The following IFIH1 variants were observed in gnomAD, a reference collection of about 807,000 sequenced individuals.
IFIH1 encodes interferon-induced helicase C domain-containing protein 1.
Under a neutral mutation model 107.4 loss-of-function variants are expected in IFIH1, and 125 were observed. The observed-to-expected ratio is 1.16, with a 90% confidence interval of 1.01 to 1.35. The LOEUF (loss-of-function observed/expected upper bound fraction) is 1.35. IFIH1 is among the 40% of genes most tolerant of loss of function. The pLI, the probability that IFIH1 is intolerant of heterozygous loss-of-function variation, is 0.00. For synonymous variants in IFIH1, 458 were observed against 413.2 expected (o/e 1.11, Z -1.31); for missense variants, 1,333 against 1,213.7 (o/e 1.10, Z -1.46).
intron 3 of IFIH1, among the ~76,000 whole-genome samples, chr2:162,298,454 A>G (rs1683133956): frequency 6.6e-6 from 1 of 152,186 alleles, no homozygotes. Flanking sequence ...CAAGGTCTTT[A>G]GTCCAATTTC....
chr2:162,275,491 A>C (rs1691133858), intron 11 of IFIH1, among the ~76,000 whole-genome samples: 1 of 152,204 alleles, frequency 6.6e-6, no homozygotes, highest in Admixed American at 6.5e-5. Flanking sequence ...CATCAAAAAG[A>C]AGGAAGCAAA....
chr2:162,307,190 A>G, intron 2 of IFIH1: 1 of 184,960 alleles, frequency 5.4e-6, no homozygotes, highest in South Asian at 1.2e-4. Context: ...GGACACAACG[A>G]GTAGTTCTTT....
At chr2:162,295,843 T>C (rs2105216517) in intron 3 of IFIH1, among the ~76,000 whole-genome samples, 1 of 151,952 alleles carries the variant, frequency 6.6e-6, no homozygotes, top group East Asian at 1.9e-4. Flanking sequence ...AAAGAGAATA[T>C]GATTTGTAAG....
In IFIH1 at chr2:162,318,331, G is replaced by T. The variant is rs774951503; in HGVS notation, c.-24C>A. On this transcript the variant is annotated 5_prime_UTR_variant, in exon 1 of 16. Coordinates refer to ENST00000649979, the MANE Select transcript of IFIH1 (RefSeq NM_022168.4). ...ATCTTTCTTTCTCAGAGAAGGGAGA[G>T]GGTTCTCCCAAGCAGATGGTGCTGT... 11 of 1,579,382 alleles carry T rather than the reference G, an allele frequency of 7.0e-6. No homozygotes were observed. Among genetic ancestry groups the T allele is most frequent in the Non-Finnish European group, 8.7e-6 (10 of 1,152,342 alleles).
intron 5 of IFIH1, among the ~76,000 whole-genome samples, chr2:162,284,375 A>G (rs1033497542): frequency 6.6e-6 from 1 of 151,978 alleles, no homozygotes; most frequent in African/African-American, 2.4e-5. Context: ...CAAGGTCTCA[A>G]TCATCTTAAT....
intron 5 of IFIH1, among the ~76,000 whole-genome samples, 193 bp downstream of exon 5, chr2:162,287,942 T>A (rs1165119879): frequency 1.3e-5 from 2 of 151,870 alleles, no homozygotes; most frequent in Non-Finnish European, 2.9e-5. Context: ...TATTGAAAAA[T>A]TTCTATTTTC....
At chr2:162,289,975 TA>T (rs1479682189) in intron 4 of IFIH1, among the ~76,000 whole-genome samples, 6 of 151,924 alleles carry the variant, frequency 3.9e-5, no homozygotes, top group African/African-American at 1.2e-4. Flanking sequence ...GTAGCTTTCA[TA>T]GACTATCAAA....
rs756003596 is a variant in IFIH1, at chr2:162,282,522, A to G, written c.1150T>C (p.Trp384Arg). Residue 384 changes from tryptophan (W) to arginine (R), a missense_variant, in exon 6 of 16, where the codon TGG (tryptophan) becomes CGG (arginine). By Grantham distance (101) the Trp-to-Arg change is moderately radical. Transcript: ENST00000649979. Reference protein sequence around the residue: ...RKEFQPFLKKWYRVIGLSGDT... With the variant: ...RKEFQPFLKKRYRVIGLSGDT... ...CCACTTAATCCAATAACACGATACC[A>G]TTTCTTCAAAAATGGTTGGAACTCC... The G allele has an allele frequency of 1.4e-5, 23 of 1,611,586 alleles. No individual in the cohort carries two copies. The highest frequency in any genetic ancestry group is 8.0e-5 in the African/African-American group (6 of 74,756).
In IFIH1 at chr2:162,277,305, G is replaced by A. The variant is rs544041418; in HGVS notation, c.2044+110C>T. ...TTAGAAATAGTTCCAATCTGAGTGG[G>A]ATTTCTTCTTTCAAAAGATATTTCT... On this transcript the variant is annotated intron_variant, in intron 10 of 15. Coordinates refer to ENST00000649979, the MANE Select transcript of IFIH1 (RefSeq NM_022168.4). 5.2e-6 allele frequency: 4 copies of A among 772,596 alleles called. No homozygotes were observed. The South Asian group carries it at 7.5e-5, about 14-fold the overall frequency. The allele number at this position is 772,596 out of a possible 1,614,324, so 47.9% of individuals were successfully genotyped here. A position where few individuals can be genotyped will look rare whatever the true frequency, so the allele number is the denominator to read the frequency against.
intron 10 of IFIH1, 55 bp downstream of exon 10, chr2:162,277,360 G>T: frequency 8.0e-7 from 1 of 1,246,306 alleles, no homozygotes; most frequent in South Asian, 1.4e-5. Flanking sequence ...GAAGCAGTAA[G>T]TTCATGTTGA....
chr2:162,312,135 T>A (rs1379800815), intron 1 of IFIH1, among the ~76,000 whole-genome samples: 2 of 152,242 alleles, frequency 1.3e-5, no homozygotes, highest in African/African-American at 4.8e-5. Flanking sequence ...TTTCTAGTTC[T>A]ATAAATATAT....
rs185928139 is a variant in IFIH1, at chr2:162,276,876, T to G, written c.2115A>C (p.Arg705Ser). Residue 705 changes from arginine to serine, a missense_variant, in exon 11 of 16, where the codon AGA becomes AGC. Arg to Ser is a moderately radical substitution (Grantham distance 110, BLOSUM62 -1). Coordinates refer to ENST00000649979, the MANE Select transcript of IFIH1 (RefSeq NM_022168.4). Reference protein sequence around the residue: ...EYENEKLTKLRNTIMEQYTRT... With the variant: ...EYENEKLTKLSNTIMEQYTRT... The stretch of plus-strand genomic sequence containing the variant: ...TAGTATATTGCTCCATTATGGTATT[T>G]CTTAATTTGGTCAGCTTTTCATTTT... The G allele has an allele frequency of 1.3e-4, 211 of 1,613,392 alleles. No individual in the cohort carries two copies. The East Asian group carries it at 4.6e-3, about 35-fold the overall frequency.
intron 3 of IFIH1, among the ~76,000 whole-genome samples, chr2:162,295,590 T>C (rs2105216314): frequency 6.6e-6 from 1 of 152,150 alleles, no homozygotes; most frequent in Middle Eastern, 3.4e-3. Context: ...ACTGTTTAAG[T>C]ATATTAGCAC....
chr2:162,284,044 A>T (rs1682854199), intron 5 of IFIH1, among the ~76,000 whole-genome samples: 1 of 151,762 alleles, frequency 6.6e-6, no homozygotes, highest in African/African-American at 2.4e-5. Context: ...TGAGAAGTTT[A>T]GAAAATGCAG....
chr2:162,297,366 G>A (rs528127926), intron 3 of IFIH1, among the ~76,000 whole-genome samples: 1 of 152,246 alleles, frequency 6.6e-6, no homozygotes, highest in African/African-American at 2.4e-5. Context: ...AGATCGCATG[G>A]AGTTAATTGG....
intron 1 of IFIH1, among the ~76,000 whole-genome samples, chr2:162,314,634 C>T (rs1558877676): frequency 1.3e-5 from 2 of 151,622 alleles, no homozygotes; most frequent in African/African-American, 4.9e-5. Context: ...ACTACAGGCT[C>T]CCACCACCAC....
chr2:162,315,789 CA>C (rs1418613722), intron 1 of IFIH1, among the ~76,000 whole-genome samples: 1 of 152,146 alleles, frequency 6.6e-6, no homozygotes, highest in Admixed American at 6.5e-5. Flanking sequence ...ATTATTCTAC[CA>C]AACTTAATGC....
chr2:162,272,032 T>C (rs1408302764), intron 13 of IFIH1, among the ~76,000 whole-genome samples, 194 bp downstream of exon 13: 1 of 152,216 alleles, frequency 6.6e-6, no homozygotes, highest in African/African-American at 2.4e-5. Flanking sequence ...GAATGAGGAA[T>C]GGCTCCCTGA....
intron 2 of IFIH1, among the ~76,000 whole-genome samples, chr2:162,309,185 T>C (rs1282829845): frequency 6.6e-6 from 1 of 152,204 alleles, no homozygotes; most frequent in East Asian, 1.9e-4. Context: ...TTTGGTTTGA[T>C]GCTCTGCCTT....
Sources: gnomAD v4.1 joint callset for allele counts (sites outside exome capture counted in the v4.1 genomes callset) on GRCh38, gnomAD v4.1.1 for gene constraint, MANE v1.5 for transcripts, NCBI Gene and HGNC (gene_info 2026-07-23, HGNC 2026-07-21) for gene names.